The following GPC5 variants were observed in gnomAD, a reference collection of about 807,000 sequenced individuals.
GPC5 encodes the protein glypican 5.
Under a neutral mutation model 53.9 loss-of-function variants are expected in GPC5, and 47 were observed. The observed-to-expected ratio is 0.87, with a 90% CI of 0.69 to 1.11. GPC5 has a LOEUF of 1.11. Ranked by LOEUF, GPC5 falls within the 50% of genes most tolerant of loss-of-function variation. The probability of loss-of-function intolerance (pLI) is 0.00; values close to 1 mark genes in which losing one functional copy is unlikely to be tolerated. For synonymous variants in GPC5, 286 were observed against 263.3 expected, an observed-to-expected ratio of 1.09 and a Z score of -0.84; for missense variants, 748 against 713.1, an observed-to-expected ratio of 1.05 and a Z score of -0.56.
rs147722177 is a variant in GPC5 at position 91,618,884 on chromosome 13, C to A, written c.326-74303C>A. Among the ~76,000 whole-genome samples the A allele has an allele frequency of 8.9e-3, 1,353 of 152,028 alleles. 19 individuals carry two copies. The highest frequency in any genetic ancestry group is 0.031 in the African/African-American group (1,278 of 41,472). On this transcript the variant is annotated intron_variant, in intron 2 of 7. Transcript: ENST00000377067. ...AAATAATCTTTGTATCCTTTCAAGGCCTATATTTAAAGCATCTGGTATATA... is the reference window on the plus strand; with the variant it reads ...AAATAATCTTTGTATCCTTTCAAGGACTATATTTAAAGCATCTGGTATATA...
chr13:91,863,006 CTCCCTT>C (rs1745948417), intron 5 of GPC5, among the ~76,000 whole-genome samples: 1 of 151,136 alleles, frequency 6.6e-6, no homozygotes, highest in East Asian at 1.9e-4. Flanking sequence ...TCTCCTCCCT[CTCCCTT>C]TCCCTTCCCC....
chr13:91,450,136 T>A (rs1166097122), intron 2 of GPC5, among the ~76,000 whole-genome samples: 2 of 152,192 alleles, frequency 1.3e-5, no homozygotes, highest in Non-Finnish European at 2.9e-5. Flanking sequence ...TGCTTTTTTG[T>A]AGAAAGCGTG....
chr13:91,723,027 G>A (rs1391558741), intron 3 of GPC5, among the ~76,000 whole-genome samples: 1 of 152,034 alleles, frequency 6.6e-6, no homozygotes, highest in Non-Finnish European at 1.5e-5. Flanking sequence ...TTTAAAAGTG[G>A]TATTATGGTT....
chr13:92,157,866 T>C (rs975587528), intron 7 of GPC5, among the ~76,000 whole-genome samples: 1 of 152,158 alleles, frequency 6.6e-6, no homozygotes. Context: ...TCTCACTGTT[T>C]CTGGTGTGAC....
intron 7 of GPC5, among the ~76,000 whole-genome samples, chr13:92,676,077 C>T (rs1459432114): frequency 6.6e-6 from 1 of 152,108 alleles, no homozygotes; most frequent in African/African-American, 2.4e-5. Flanking sequence ...GAATTTCAAG[C>T]ACTGCATTAC....
intron 7 of GPC5, among the ~76,000 whole-genome samples, chr13:92,375,087 A>G (rs1052991796): frequency 6.6e-6 from 1 of 152,174 alleles, no homozygotes; most frequent in African/African-American, 2.4e-5. Context: ...ATCCCAAAGC[A>G]TGGGTATTTT....
chr13:91,547,059 A>G (rs558654124), intron 2 of GPC5, among the ~76,000 whole-genome samples: 1 of 152,230 alleles, frequency 6.6e-6, no homozygotes. Flanking sequence ...TAGGTTCTAC[A>G]TTGAGCAACT....
chr13:92,635,718 G>A (rs1225276620), intron 7 of GPC5, among the ~76,000 whole-genome samples: 3 of 152,184 alleles, frequency 2.0e-5, no homozygotes, highest in African/African-American at 7.2e-5. Context: ...CGGGCAGAAG[G>A]CTTTTGAATA....
At chr13:91,961,476 G>T (rs2040125065) in intron 6 of GPC5, among the ~76,000 whole-genome samples, 1 of 151,860 alleles carries the variant, frequency 6.6e-6, no homozygotes, top group Non-Finnish European at 1.5e-5. Context: ...TCATACACTG[G>T]CATTAAGAGT....
intron 7 of GPC5, among the ~76,000 whole-genome samples, chr13:92,470,527 G>A (rs1227842139): frequency 6.6e-6 from 1 of 151,976 alleles, no homozygotes; most frequent in East Asian, 1.9e-4. Flanking sequence ...TCTAAGAGAA[G>A]AGAAAAACTC....
rs2032788274 is a variant in GPC5 at position 91,591,282 on chromosome 13, C to G, written c.326-101905C>G. Among the ~76,000 whole-genome samples, 4 of 152,300 alleles carry G rather than the reference C, an allele frequency of 2.6e-5. No homozygotes were observed. The South Asian group carries it at 8.3e-4, about 32-fold the overall frequency. On this transcript the variant is annotated intron_variant, in intron 2 of 7. Transcript: ENST00000377067. The stretch of plus-strand genomic sequence containing the variant: ...ACCTTCTTGCTTTCATAAATTATCT[C>G]TTCCAATTCTGCTGAGAGGTCTGCT...
intron 7 of GPC5, among the ~76,000 whole-genome samples, chr13:92,840,491 T>G (rs2138832885): frequency 6.6e-6 from 1 of 152,198 alleles, no homozygotes; most frequent in Non-Finnish European, 1.5e-5. Flanking sequence ...GACTACACTG[T>G]TTAGATTACT....
intron 6 of GPC5, among the ~76,000 whole-genome samples, chr13:92,086,979 C>T (rs2138889507): frequency 6.6e-6 from 1 of 152,320 alleles, no homozygotes; most frequent in South Asian, 2.1e-4. Flanking sequence ...CTCTTAAGCA[C>T]CTCAAGTGCT....
At chr13:91,602,383 G>A (rs2033209130) in intron 2 of GPC5, among the ~76,000 whole-genome samples, 1 of 152,184 alleles carries the variant, frequency 6.6e-6, no homozygotes, top group Non-Finnish European at 1.5e-5. Context: ...AGTGATTAGA[G>A]CACAGGAGAT....
chr13:91,900,983 A>G (rs1446261168), intron 5 of GPC5, among the ~76,000 whole-genome samples: 1 of 152,102 alleles, frequency 6.6e-6, no homozygotes, highest in African/African-American at 2.4e-5. Context: ...ATTAATATCC[A>G]TTCTTTAATG....
chr13:92,351,889 T>C (rs1007295993), intron 7 of GPC5, among the ~76,000 whole-genome samples: 13 of 152,172 alleles, frequency 8.5e-5, no homozygotes, highest in Non-Finnish European at 1.8e-4. Context: ...TGTGAAATAA[T>C]GATTCTTTCT....
intron 7 of GPC5, among the ~76,000 whole-genome samples, chr13:92,287,398 C>G (rs1347645138): frequency 6.6e-6 from 1 of 152,154 alleles, no homozygotes; most frequent in East Asian, 1.9e-4. Flanking sequence ...GTTTTTCAAG[C>G]CTTCTATTGT....
intron 7 of GPC5, among the ~76,000 whole-genome samples, chr13:92,619,506 A>G (rs564124939): frequency 3.9e-5 from 6 of 152,134 alleles, no homozygotes; most frequent in African/African-American, 7.2e-5. Context: ...ATCCATTTAA[A>G]TTCAAGTAAC....
intron 7 of GPC5, among the ~76,000 whole-genome samples, chr13:92,245,237 C>T (rs547380974): frequency 1.3e-5 from 2 of 152,174 alleles, no homozygotes; most frequent in East Asian, 3.9e-4. Context: ...GTTTCACTCT[C>T]ATTTTATTGC....
Sources: gnomAD v4.1 joint callset for allele counts (sites outside exome capture counted in the v4.1 genomes callset) on GRCh38, gnomAD v4.1.1 for gene constraint, MANE v1.5 for transcripts, NCBI Gene and HGNC (gene_info 2026-07-23, HGNC 2026-07-21) for gene names.